NRG3: variants seen among roughly 807,000 people sequenced by gnomAD.
NRG3 encodes pro-neuregulin-3, membrane-bound isoform.
In NRG3, 31 loss-of-function variants were observed where a neutral mutation model predicts 66.9. The ratio of observed to expected loss-of-function variants is 0.46; its 90% CI spans 0.35 to 0.63. The LOEUF (loss-of-function observed/expected upper bound fraction) is 0.63. Among genes scored for constraint, NRG3 ranks in the 20% least tolerant of loss-of-function variants. The pLI, the probability that NRG3 is intolerant of heterozygous loss-of-function variation, is 0.00. For synonymous variants in NRG3, 393 were observed against 359.4 expected (o/e 1.09, Z -1.06); for missense variants, 910 against 878.9 (o/e 1.04, Z -0.45).
intron 1 of NRG3, among the ~76,000 whole-genome samples, chr10:82,053,314 G>A (rs1025203599): frequency 5.3e-5 from 8 of 152,094 alleles, no homozygotes; most frequent in African/African-American, 1.9e-4. Flanking sequence ...AGAAGGATGA[G>A]GGTTGGATTG....
chr10:82,982,871 A>C (rs1325864329), intron 8 of NRG3, among the ~76,000 whole-genome samples: 1 of 152,150 alleles, frequency 6.6e-6, no homozygotes, highest in African/African-American at 2.4e-5. Context: ...CATGTGTTCA[A>C]AGCCTGACTT....
intron 4 of NRG3, among the ~76,000 whole-genome samples, chr10:82,881,603 T>C (rs1394926876): frequency 6.6e-6 from 1 of 152,188 alleles, no homozygotes; most frequent in Non-Finnish European, 1.5e-5. Context: ...TCAAGCACTG[T>C]AATAAACACA....
At chr10:82,284,002 C>T (rs1445862417) in intron 1 of NRG3, among the ~76,000 whole-genome samples, 1 of 152,204 alleles carries the variant, frequency 6.6e-6, no homozygotes, top group Non-Finnish European at 1.5e-5. Flanking sequence ...TTAGAGAGAG[C>T]ATTGCGAGCA....
chr10:81,896,724 G>A (rs918574967), intron 1 of NRG3, among the ~76,000 whole-genome samples: 14 of 151,682 alleles, frequency 9.2e-5, no homozygotes, highest in African/African-American at 3.1e-4. Flanking sequence ...GGCTTAAGGG[G>A]GAATGAAGGT....
chr10:82,340,939 G>T (rs1047788106), intron 1 of NRG3: 4 of 152,054 alleles, frequency 2.6e-5, no homozygotes, highest in Non-Finnish European at 5.9e-5. Flanking sequence ...AGCACAACAG[G>T]GTGACTATAG....
At chr10:82,349,668 C>G (rs367663252) in intron 1 of NRG3, among the ~76,000 whole-genome samples, 5 of 151,926 alleles carry the variant, frequency 3.3e-5, no homozygotes, top group Admixed American at 1.3e-4. Flanking sequence ...CCCAACCTCG[C>G]TGCCGCCTTG....
intron 4 of NRG3, among the ~76,000 whole-genome samples, chr10:82,949,816 C>T (rs949203351): frequency 1.3e-5 from 2 of 151,888 alleles, no homozygotes; most frequent in Non-Finnish European, 2.9e-5. Flanking sequence ...GATCACGCCA[C>T]TGCACTCCAG....
intron 3 of NRG3, among the ~76,000 whole-genome samples, chr10:82,749,406 C>A (rs927528603): frequency 2.0e-5 from 3 of 152,172 alleles, no homozygotes; most frequent in Non-Finnish European, 2.9e-5. Flanking sequence ...AAGCCCAGGA[C>A]AAATGCCTAA....
At position 82,409,113 on chromosome 10, in the gene NRG3, A is replaced by G. The variant is rs570673856; in HGVS notation, c.953+50245A>G. 4.1e-3 allele frequency among the ~76,000 whole-genome samples: 626 copies of G among 152,278 alleles called. 3 individuals are homozygous for G. Among genetic ancestry groups the G allele is most frequent in the Middle Eastern group, 0.014 (4 of 294 alleles). On this transcript the variant is annotated intron_variant, in intron 2 of 8. Transcript: ENST00000372141. ...GCAGGGAGAATTCAGTCCAAAAACTATGGAAGGTTTACGGTTAGAATGAAA... is the reference window on the plus strand; with the variant it reads ...GCAGGGAGAATTCAGTCCAAAAACTGTGGAAGGTTTACGGTTAGAATGAAA...
chr10:82,410,258 G>A (rs1442050243), intron 2 of NRG3, among the ~76,000 whole-genome samples: 5 of 152,046 alleles, frequency 3.3e-5, no homozygotes, highest in Admixed American at 2.6e-4. Context: ...TTTGGAGGCC[G>A]AGGTGGATCT....
At chr10:82,453,759 T>C (rs549723118) in intron 2 of NRG3, among the ~76,000 whole-genome samples, 1 of 151,786 alleles carries the variant, frequency 6.6e-6, no homozygotes, top group Non-Finnish European at 1.5e-5. Context: ...TATTTAACGG[T>C]CTTGTCTTCT....
chr10:82,144,520 T>C (rs192950196), intron 1 of NRG3, among the ~76,000 whole-genome samples: 1 of 152,274 alleles, frequency 6.6e-6, no homozygotes, highest in African/African-American at 2.4e-5. Flanking sequence ...CAGCTATTCT[T>C]GGGTAACCTT....
chr10:82,133,219 C>G (rs1390140982), intron 1 of NRG3, among the ~76,000 whole-genome samples: 1 of 152,034 alleles, frequency 6.6e-6, no homozygotes, highest in Non-Finnish European at 1.5e-5. Context: ...TCTCTTAGCA[C>G]TGCTTTTGCT....
At chr10:82,122,436 G>A (rs1423873056) in intron 1 of NRG3, among the ~76,000 whole-genome samples, 1 of 152,106 alleles carries the variant, frequency 6.6e-6, no homozygotes, top group Non-Finnish European at 1.5e-5. Context: ...TTTTTGCTCC[G>A]TAGTTTGTCT....
At chr10:82,774,814 CTTTTTTCTTTTT>C (rs2059841618) in intron 3 of NRG3, among the ~76,000 whole-genome samples, 3 of 112,060 alleles carry the variant, frequency 2.7e-5, no homozygotes, top group African/African-American at 1.2e-4. Context: ...TTTCCTTTTT[CTTTTTTCTTTTT>C]TTTTTTTTTT....
chr10:82,362,634 C>T (rs1251046756), intron 2 of NRG3, among the ~76,000 whole-genome samples: 1 of 146,590 alleles, frequency 6.8e-6, no homozygotes, highest in African/African-American at 2.5e-5. Flanking sequence ...AAGTGATCCT[C>T]CTGCCTCAGC....
intron 2 of NRG3, among the ~76,000 whole-genome samples, chr10:82,455,490 A>G (rs1250820808): frequency 6.6e-6 from 1 of 152,196 alleles, no homozygotes; most frequent in Admixed American, 6.5e-5. Context: ...GCACTTACAT[A>G]GAGCTTGAAG....
chr10:82,362,550 T>TTTTTTTTTTTTTTTG (rs2084244661), intron 2 of NRG3, among the ~76,000 whole-genome samples: 1 of 97,690 alleles, frequency 1.0e-5, no homozygotes, highest in African/African-American at 6.5e-5. Flanking sequence ...ATTTCTGGGT[T>TTTTTTTTTTTTTTTG]TTTTTTTTTT....
At chr10:82,227,608 G>A (rs1235773296) in intron 1 of NRG3, among the ~76,000 whole-genome samples, 1 of 151,974 alleles carries the variant, frequency 6.6e-6, no homozygotes, top group Admixed American at 6.6e-5. Context: ...GTTTTGATTA[G>A]AAACAATAAA....
Sources: allele counts gnomAD v4.1 joint callset (sites outside exome capture counted in the v4.1 genomes callset), GRCh38; gene constraint gnomAD v4.1.1; transcripts MANE v1.5; gene names NCBI Gene and HGNC (gene_info 2026-07-23, HGNC 2026-07-21).